RPS6KA2: variants seen among roughly 807,000 people sequenced by gnomAD.
RPS6KA2 encodes ribosomal protein S6 kinase alpha-2.
Under a neutral mutation model 91.8 loss-of-function variants are expected in RPS6KA2, and 42 were observed. The observed-to-expected ratio is 0.46, with a 90% CI of 0.36 to 0.59. RPS6KA2 has a LOEUF of 0.59. Among genes scored for constraint, RPS6KA2 ranks in the 20% least tolerant of loss-of-function variants. The probability of loss-of-function intolerance (pLI) is 0.00; values close to 1 mark genes in which losing one functional copy is unlikely to be tolerated. For missense variants in RPS6KA2, 798 were observed against 978.5 expected, an observed-to-expected ratio of 0.82 and a Z score of 2.46; for synonymous variants, 414 against 393.6, an observed-to-expected ratio of 1.05 and a Z score of -0.61.
chr6:166,482,581 T>C (rs111697116), intron 10 of RPS6KA2, among the ~76,000 whole-genome samples: 9 of 152,220 alleles, frequency 5.9e-5, no homozygotes, highest in African/African-American at 1.7e-4. Flanking sequence ...GCCACTCAGT[T>C]AACGCCTAGA....
intron 2 of RPS6KA2, among the ~76,000 whole-genome samples, chr6:166,789,195 C>T (rs1035478017): frequency 9.9e-5 from 15 of 152,218 alleles, no homozygotes; most frequent in East Asian, 7.7e-4. Context: ...TAAAAAACAG[C>T]GCACCAGGAG....
chr6:166,586,484 A>C, intron 1 of RPS6KA2: 1 of 1,596,496 alleles, frequency 6.3e-7, no homozygotes, highest in Admixed American at 1.7e-5. Flanking sequence ...TCATTCTGAA[A>C]ATCCCAAAGG....
upstream of RPS6KA2, among the ~76,000 whole-genome samples, chr6:166,630,605 C>T (rs148556837): frequency 1.3e-5 from 2 of 152,298 alleles, no homozygotes; most frequent in African/African-American, 2.4e-5. Context: ...TATCAGCATT[C>T]GAAGGCTCTG....
chr6:166,601,297 T>G (rs1785721000), intron 1 of RPS6KA2, among the ~76,000 whole-genome samples: 1 of 152,238 alleles, frequency 6.6e-6, no homozygotes, highest in Non-Finnish European at 1.5e-5. Flanking sequence ...ACTGACAGCT[T>G]AAATCGACAT....
At position 166,858,052 on chromosome 6, in the gene RPS6KA2, G is replaced by A. The variant is rs138228802; in HGVS notation, c.123+148C>T. 9.2e-3 allele frequency: 6,126 copies of A among 667,490 alleles called. 130 individuals carry two copies. Among genetic ancestry groups the A allele is most frequent in the East Asian group, 0.052 (1,930 of 37,412 alleles). The allele number at this position is 667,490 out of a possible 1,614,324, so 41.3% of individuals were successfully genotyped here. ...GATATGTACATATGCATATATACAC[G>A]TTTGTGCATGTGTATGTATAGAGAC... On this transcript the variant is annotated intron_variant, in intron 2 of 21. Transcript: ENST00000503859.
chr6:166,437,539 T>A lies in RPS6KA2; in HGVS notation c.1333-5049A>T, dbSNP rs1378495703. ...CTGGTTAGAAAGGACTCCTACAACC[T>A]CCAGAGAAGGGCATTCTCCAGGGGT... On this transcript the variant is annotated intron_variant, in intron 14 of 20. Coordinates refer to ENST00000265678, the MANE Select transcript of RPS6KA2 (RefSeq NM_021135.6). The surrounding 1 kb of genome is among the most constrained non-coding windows in gnomAD (Gnocchi z 4.3). Among the ~76,000 whole-genome samples, 1 of 152,110 alleles carries A rather than the reference T, an allele frequency of 6.6e-6. No individual in the cohort carries two copies. Among genetic ancestry groups the A allele is most frequent in the East Asian group, 1.9e-4 (1 of 5,182 alleles).
intron 2 of RPS6KA2, among the ~76,000 whole-genome samples, chr6:166,753,949 G>A (rs899142643): frequency 6.6e-6 from 1 of 152,130 alleles, no homozygotes; most frequent in Non-Finnish European, 1.5e-5. Context: ...CCCAAATTCT[G>A]GAAAGTGCCT....
intron 1 of RPS6KA2, among the ~76,000 whole-genome samples, chr6:166,619,286 C>A (rs1737735364): frequency 6.6e-6 from 1 of 152,220 alleles, no homozygotes. Flanking sequence ...ATTCCCGCAG[C>A]CCGTCTGTTC....
intron 2 of RPS6KA2, among the ~76,000 whole-genome samples, chr6:166,854,769 T>C (rs1780842978): frequency 6.6e-6 from 1 of 152,216 alleles, no homozygotes; most frequent in Non-Finnish European, 1.5e-5. Flanking sequence ...GCACAACCTC[T>C]ACAAAAGACA....
chr6:166,589,617 C>G (rs911750133), intron 1 of RPS6KA2, among the ~76,000 whole-genome samples: 1 of 152,128 alleles, frequency 6.6e-6, no homozygotes, highest in Admixed American at 6.5e-5. Context: ...AAATAAGAGC[C>G]TAAAGGGAAA....
At chr6:166,669,109 G>C (rs763266649) in intron 2 of RPS6KA2, among the ~76,000 whole-genome samples, 7 of 152,000 alleles carry the variant, frequency 4.6e-5, no homozygotes, top group Non-Finnish European at 8.8e-5. Context: ...GCCCAGGCTG[G>C]TCTTGAGCTC....
intron 1 of RPS6KA2, among the ~76,000 whole-genome samples, chr6:166,545,711 C>T: frequency 6.6e-6 from 1 of 152,328 alleles, no homozygotes; most frequent in East Asian, 1.9e-4. Flanking sequence ...ACTGTTTCTG[C>T]CTTCGCCTTC....
chr6:166,514,165 G>A (rs536869000), intron 3 of RPS6KA2, among the ~76,000 whole-genome samples: 7 of 152,246 alleles, frequency 4.6e-5, no homozygotes, highest in Admixed American at 1.3e-4. Context: ...AATTCTTGCC[G>A]CTTGGCCTCA....
intron 2 of RPS6KA2, among the ~76,000 whole-genome samples, chr6:166,762,999 A>G (rs1778217644): frequency 6.6e-6 from 1 of 152,228 alleles, no homozygotes; most frequent in South Asian, 2.1e-4. Flanking sequence ...CAATGCGTGG[A>G]TAGCAAAAAT....
intron 2 of RPS6KA2, among the ~76,000 whole-genome samples, chr6:166,811,520 A>G (rs1282761062): frequency 6.6e-6 from 1 of 152,222 alleles, no homozygotes; most frequent in African/African-American, 2.4e-5. Context: ...GCTGCTCCAG[A>G]GGCTGAGGTG....
At chr6:166,670,872 G>A (rs1051461368) in intron 2 of RPS6KA2, among the ~76,000 whole-genome samples, 1 of 152,176 alleles carries the variant, frequency 6.6e-6, no homozygotes, top group African/African-American at 2.4e-5. Context: ...CCAGGCTGGA[G>A]TGCAATGGCA....
chr6:166,649,552 C>T (rs1415287488), intron 2 of RPS6KA2, among the ~76,000 whole-genome samples: 1 of 152,164 alleles, frequency 6.6e-6, no homozygotes, highest in Non-Finnish European at 1.5e-5. Flanking sequence ...CTAATGTCAC[C>T]CTATCTGACA....
chr6:166,444,351 C>T (rs922532722), intron 14 of RPS6KA2, among the ~76,000 whole-genome samples: 7 of 152,126 alleles, frequency 4.6e-5, no homozygotes, highest in African/African-American at 1.7e-4. Flanking sequence ...TATTTTGAAG[C>T]CCTATACAAC....
At chr6:166,614,516 T>C (rs1786329826) in intron 1 of RPS6KA2, among the ~76,000 whole-genome samples, 1 of 152,272 alleles carries the variant, frequency 6.6e-6, no homozygotes, top group Non-Finnish European at 1.5e-5. Context: ...GCCTGCGTCC[T>C]GTCTGCTGCA....
Sources: allele counts gnomAD v4.1 joint callset (sites outside exome capture counted in the v4.1 genomes callset), GRCh38; gene constraint gnomAD v4.1.1; non-coding constraint Gnocchi (gnomAD v3.1); transcripts MANE v1.5; gene names NCBI Gene and HGNC (gene_info 2026-07-23, HGNC 2026-07-21).